ETF1: variants seen among roughly 807,000 people sequenced by gnomAD.
The protein encoded by ETF1 is eukaryotic translation termination factor 1, also known as eukaryotic peptide chain release factor subunit 1.
A neutral mutation model predicts 55.1 loss-of-function variants in ETF1; 4 were observed. That is an observed-to-expected ratio of 0.07 (90% CI 0.04 to 0.17). ETF1 has a LOEUF of 0.17. Among genes scored for constraint, ETF1 ranks in the 10% least tolerant of loss-of-function variants. The probability of loss-of-function intolerance (pLI) is 1.00; values close to 1 mark genes in which losing one functional copy is unlikely to be tolerated. For synonymous variants in ETF1, 157 were observed against 182.3 expected, an observed-to-expected ratio of 0.86 and a Z score of 1.12; for missense variants, 142 against 523.6, an observed-to-expected ratio of 0.27 and a Z score of 7.11.
chr5:138,528,405 C>G lies in ETF1; in HGVS notation c.87-9538G>C, dbSNP rs74488756. Among the ~76,000 whole-genome samples the G allele has an allele frequency of 2.1e-3, 313 of 152,340 alleles. 11 individuals are homozygous for G. In the East Asian group the frequency reaches 0.046, roughly 22 times the overall value. ...CTGATAGTTTAAGAAGATAAACATT[C>G]ATTAAGCAACCCTACTGTATAGCCC... On this transcript the variant is annotated intron_variant, in intron 2 of 10. Coordinates refer to ENST00000360541, the MANE Select transcript of ETF1 (RefSeq NM_004730.4).
intron 2 of ETF1, among the ~76,000 whole-genome samples, chr5:138,533,212 G>T (rs1765775103): frequency 6.6e-6 from 1 of 151,950 alleles, no homozygotes; most frequent in East Asian, 1.9e-4. Flanking sequence ...GGGATTACAG[G>T]CGTGAGCCAC....
chr5:138,529,935 A>C (rs1765626904), intron 2 of ETF1, among the ~76,000 whole-genome samples: 1 of 151,934 alleles, frequency 6.6e-6, no homozygotes, highest in Admixed American at 6.6e-5. Context: ...TCGAGATAGG[A>C]TCTCACAAGG....
In ETF1 at chr5:138,514,530, G is replaced by A. The variant is rs558574617; in HGVS notation, c.403-824C>T. On this transcript the variant is annotated intron_variant, in intron 4 of 10. Coordinates refer to ENST00000360541, the MANE Select transcript of ETF1 (RefSeq NM_004730.4). ...TGTACTCCAGCCTGGGTGATCCAGAGACCTTGTCTCAAAAAACAAAAAAAC... is the reference window on the plus strand; with the variant it reads ...TGTACTCCAGCCTGGGTGATCCAGAAACCTTGTCTCAAAAAACAAAAAAAC... Among the ~76,000 whole-genome samples the A allele has an allele frequency of 1.4e-4, 22 of 151,890 alleles. 1 individual carries two copies. The highest frequency in any genetic ancestry group is 2.9e-5 in the Non-Finnish European group (2 of 67,964).
chr5:138,507,255 G>A lies in ETF1; in HGVS notation c.*1050C>T, dbSNP rs1404380426. Reference sequence around the variant, plus strand: ...AACAGATGCTCCAACCCCACCAGGAGGTCAGGAGTTTATAATTACATGCAG... The same window carrying A: ...AACAGATGCTCCAACCCCACCAGGAAGTCAGGAGTTTATAATTACATGCAG... On this transcript the variant is annotated 3_prime_UTR_variant, in exon 11 of 11. Coordinates refer to ENST00000360541, the MANE Select transcript of ETF1 (RefSeq NM_004730.4). The A allele has an allele frequency of 2.6e-5, 4 of 151,946 alleles. No individual in the cohort carries two copies. The highest frequency in any genetic ancestry group is 1.3e-4 in the Admixed American group (2 of 15,190). 9.4% of individuals were successfully genotyped at this position (151,946 alleles called of 1,614,324 possible). A position where few individuals can be genotyped will look rare whatever the true frequency, so the allele number is the denominator to read the frequency against.
chr5:138,510,402 C>A (rs1362311747), intron 9 of ETF1, among the ~76,000 whole-genome samples, 163 bp downstream of exon 9: 1 of 139,288 alleles, frequency 7.2e-6, no homozygotes, highest in South Asian at 2.4e-4. Flanking sequence ...GCAGCTCCTT[C>A]CCTGAAATCA....
chr5:138,509,219 T>G (rs1764668350), intron 9 of ETF1: 1 of 978,498 alleles, frequency 1.0e-6, no homozygotes, highest in Non-Finnish European at 1.2e-6. Context: ...AAACCAGAAT[T>G]TGAGGAAGCT....
rs183780067 is a variant in ETF1 at position 138,522,981 on chromosome 5, G to C, written c.87-4114C>G. Among the ~76,000 whole-genome samples the C allele has an allele frequency of 2.2e-3, 335 of 151,652 alleles. 3 individuals carry two copies. The South Asian group carries it at 0.032, about 15-fold the overall frequency. Reference sequence around the variant, plus strand: ...AGATAGCGCCACTGCAGTCTGGTTGGGGCGAAAGAGCAAGACTCCATCTCA... The same window carrying C: ...AGATAGCGCCACTGCAGTCTGGTTGCGGCGAAAGAGCAAGACTCCATCTCA... On this transcript the variant is annotated intron_variant, in intron 2 of 10. Transcript: ENST00000360541.
intron 2 of ETF1, among the ~76,000 whole-genome samples, chr5:138,539,433 T>C (rs1366274095): frequency 6.6e-6 from 1 of 152,248 alleles, no homozygotes; most frequent in Non-Finnish European, 1.5e-5. Flanking sequence ...TTGGTTTATG[T>C]ATACATTTGT....
At chr5:138,524,372 A>G (rs950652119) in intron 2 of ETF1, among the ~76,000 whole-genome samples, 1 of 151,528 alleles carries the variant, frequency 6.6e-6, no homozygotes, top group South Asian at 2.1e-4. Context: ...CCAAAAACCA[A>G]AAAAATATAG....
chr5:138,510,376 A>G (rs1266110189), intron 9 of ETF1, among the ~76,000 whole-genome samples, 189 bp downstream of exon 9: 3 of 149,260 alleles, frequency 2.0e-5, no homozygotes, highest in African/African-American at 7.4e-5. Context: ...AAAAAAAAAA[A>G]AAAAAAAAAA....
intron 4 of ETF1, 37 bp downstream of exon 4, chr5:138,517,524 C>A: frequency 7.2e-7 from 1 of 1,382,398 alleles, no homozygotes; most frequent in Admixed American, 1.9e-5. Flanking sequence ...GGAAAGAATT[C>A]TGGAGCGATG....
chr5:138,508,749 T>C lies in ETF1; in HGVS notation c.1151A>G (p.Lys384Arg). ...GACAATTTCCAACGTAGCTCCAAATTTTTTATAGTTGTTAGCAAACCATTC... is the reference window on the plus strand; with the variant it reads ...GACAATTTCCAACGTAGCTCCAAATCTTTTATAGTTGTTAGCAAACCATTC... Reference protein sequence around the residue: ...LLEWFANNYKKFGATLEIVTD... With the variant: ...LLEWFANNYKRFGATLEIVTD... Residue 384 changes from lysine (K) to arginine (R), a missense_variant, in exon 10 of 11, where the codon AAA becomes AGA. Physicochemically the swap from Lys to Arg is conservative, Grantham distance 26. This residue lies in a region of ETF1 where 82 missense variants were observed against 232.9 expected (regional missense o/e 0.35). Coordinates refer to ENST00000360541, the MANE Select transcript of ETF1 (RefSeq NM_004730.4). 1 of 1,613,936 alleles carries C rather than the reference T, an allele frequency of 6.2e-7. No individual in the cohort carries two copies. The highest frequency in any genetic ancestry group is 8.5e-7 in the Non-Finnish European group (1 of 1,180,034).
At chr5:138,535,288 T>C (rs1765872305) in intron 2 of ETF1, among the ~76,000 whole-genome samples, 1 of 151,596 alleles carries the variant, frequency 6.6e-6, no homozygotes, top group East Asian at 2.0e-4. Flanking sequence ...AAAGCATTAG[T>C]TCCCCCATGA....
chr5:138,530,352 C>A (rs1765647459), intron 2 of ETF1, among the ~76,000 whole-genome samples: 2 of 151,192 alleles, frequency 1.3e-5, no homozygotes, highest in Admixed American at 1.3e-4. Flanking sequence ...GATCTCGGCT[C>A]ACTGCAGCTT....
intron 2 of ETF1, among the ~76,000 whole-genome samples, chr5:138,523,884 A>C (rs1032420359): frequency 6.6e-6 from 1 of 151,922 alleles, no homozygotes; most frequent in Non-Finnish European, 1.5e-5. Flanking sequence ...TGTGAAATGC[A>C]GTGAGACCCT....
intron 2 of ETF1, among the ~76,000 whole-genome samples, chr5:138,534,739 AGT>A (rs1765842863): frequency 6.6e-6 from 1 of 152,248 alleles, no homozygotes; most frequent in Non-Finnish European, 1.5e-5. Context: ...AGGGCAAGGT[AGT>A]GTTGTACAAA....
In ETF1 at chr5:138,506,510, T is replaced by G. The variant is rs1764563506; in HGVS notation, c.*1795A>C. The G allele has an allele frequency of 6.5e-6, 1 of 152,676 alleles. No homozygotes were observed. The highest frequency in any genetic ancestry group is 1.9e-4 in the East Asian group (1 of 5,198). The allele number at this position is 152,676 out of a possible 1,614,324, so 9.5% of individuals were successfully genotyped here. On this transcript the variant is annotated 3_prime_UTR_variant, in exon 11 of 11. Coordinates refer to ENST00000360541, the MANE Select transcript of ETF1 (RefSeq NM_004730.4). ...CAATGGCAAAACCCTAAGGTACTGC[T>G]GTGAAGAGAGCATGTTTGCTCGCTC...
chr5:138,532,109 T>C (rs1463278606), intron 2 of ETF1, among the ~76,000 whole-genome samples: 1 of 152,144 alleles, frequency 6.6e-6, no homozygotes, highest in African/African-American at 2.4e-5. Flanking sequence ...GGAAAGTCAC[T>C]AAGCCAGCAG....
chr5:138,542,133 C>T (rs1431959836), intron 2 of ETF1, among the ~76,000 whole-genome samples: 3 of 152,152 alleles, frequency 2.0e-5, no homozygotes, highest in African/African-American at 7.2e-5. Context: ...CCGTATTTCT[C>T]CTGGACATAC....
Sources: gnomAD v4.1 joint callset for allele counts (sites outside exome capture counted in the v4.1 genomes callset) on GRCh38, gnomAD v4.1.1 for gene constraint, gnomAD v4.1.1 regional missense constraint, MANE v1.5 for transcripts, NCBI Gene and HGNC (gene_info 2026-07-23, HGNC 2026-07-21) for gene names.